The following MGAT4C variants were observed in gnomAD, a reference collection of about 807,000 sequenced individuals.
The protein encoded by MGAT4C is alpha-1,3-mannosyl-glycoprotein 4-beta-N-acetylglucosaminyltransferase C.
A neutral mutation model predicts 40.1 loss-of-function variants in MGAT4C; 19 were observed. The ratio of observed to expected loss-of-function variants is 0.47; its 90% confidence interval spans 0.33 to 0.70. The LOEUF is 0.70. Among genes scored for constraint, MGAT4C ranks in the 30% least tolerant of loss-of-function variants. The pLI is 0.02. For missense variants in MGAT4C, 491 were observed against 563.2 expected (o/e 0.87, Z 1.30); for synonymous variants, 181 against 187.1 (o/e 0.97, Z 0.27).
chr12:86,191,648 C>T (rs1315464492), intron 1 of MGAT4C, among the ~76,000 whole-genome samples: 1 of 117,774 alleles, frequency 8.5e-6, no homozygotes, highest in Non-Finnish European at 1.7e-5. Context: ...CACACACACA[C>T]ACACACACAC....
chr12:86,648,894 T>C (rs955642393), intron 2 of MGAT4C, among the ~76,000 whole-genome samples: 2 of 151,914 alleles, frequency 1.3e-5, no homozygotes, highest in African/African-American at 4.8e-5. Context: ...TCTTGTGTTT[T>C]AAAATTGTTC....
At chr12:86,029,716 CTTTA>C (rs1017333678) in intron 2 of MGAT4C, among the ~76,000 whole-genome samples, 8 of 151,828 alleles carry the variant, frequency 5.3e-5, no homozygotes, top group African/African-American at 1.9e-4. Context: ...AGTGATGACA[CTTTA>C]TTTATACCTA....
At chr12:86,754,039 A>G (rs1224404365) in intron 1 of MGAT4C, among the ~76,000 whole-genome samples, 1 of 152,154 alleles carries the variant, frequency 6.6e-6, no homozygotes, top group Non-Finnish European at 1.5e-5. Context: ...ACTTGTATGT[A>G]AGCATTCGTA....
intron 2 of MGAT4C, among the ~76,000 whole-genome samples, chr12:86,504,264 A>G (rs949350238): frequency 6.6e-6 from 1 of 152,098 alleles, no homozygotes; most frequent in African/African-American, 2.4e-5. Flanking sequence ...GCACTATCCT[A>G]TGACTCAGAA....
rs57004605 is a variant in MGAT4C at position 86,246,179 on chromosome 12, C to CTTTTT, written c.-57+10055_-57+10059dup. The stretch of plus-strand genomic sequence containing the variant: ...ATGAATATCTCCTAGTGTACCATTG[C>CTTTTT]TTTTTTTTTTTTTTTTTTTTTTTTG... On this transcript the variant is annotated intron_variant, in intron 1 of 4. Transcript: ENST00000611864. Among the ~76,000 whole-genome samples the CTTTTT allele has an allele frequency of 1.5e-3, 106 of 70,102 alleles. 1 individual carries two copies. Among genetic ancestry groups the CTTTTT allele is most frequent in the African/African-American group, 1.8e-3 (32 of 17,560 alleles). The allele number at this position is 70,102 out of a possible 152,430, so 46.0% of individuals were successfully genotyped here. A position where few individuals can be genotyped will look rare whatever the true frequency, so the allele number is the denominator to read the frequency against.
At chr12:86,703,819 T>C (rs944441088) in intron 2 of MGAT4C, among the ~76,000 whole-genome samples, 1 of 152,166 alleles carries the variant, frequency 6.6e-6, no homozygotes, top group African/African-American at 2.4e-5. Flanking sequence ...GAGGTTTTGG[T>C]ATATAAGCAA....
chr12:86,491,644 C>T (rs1455391438), intron 2 of MGAT4C, among the ~76,000 whole-genome samples: 3 of 151,670 alleles, frequency 2.0e-5, no homozygotes, highest in Admixed American at 6.6e-5. Flanking sequence ...TGGGATGTAT[C>T]TCAAAATAAT....
chr12:86,757,866 C>A (rs1410130878), intron 1 of MGAT4C, among the ~76,000 whole-genome samples: 2 of 152,048 alleles, frequency 1.3e-5, no homozygotes, highest in Non-Finnish European at 2.9e-5. Context: ...ATAGCCTCAC[C>A]TCAATTTTAA....
intron 1 of MGAT4C, among the ~76,000 whole-genome samples, chr12:86,795,819 G>A (rs978508305): frequency 5.9e-5 from 9 of 151,872 alleles, no homozygotes; most frequent in South Asian, 2.1e-4. Context: ...CTCCAGGATC[G>A]CACAGTTGTT....
intron 2 of MGAT4C, among the ~76,000 whole-genome samples, chr12:86,476,763 T>A (rs1022006590): frequency 6.6e-6 from 1 of 151,974 alleles, no homozygotes; most frequent in Non-Finnish European, 1.5e-5. Flanking sequence ...AGGAAAAAAA[T>A]TATGTCATTT....
In MGAT4C at chr12:85,967,920, T is replaced by C. The variant is rs1038565664; in HGVS notation, c.*11369A>G. On this transcript the variant is annotated 3_prime_UTR_variant, in exon 5 of 5. Transcript: ENST00000611864. Reference sequence around the variant, plus strand: ...GTTTCGTACACTTTTTAGATCTCTATGTAAATACATTATTTCATTTGTGGA... The same window carrying C: ...GTTTCGTACACTTTTTAGATCTCTACGTAAATACATTATTTCATTTGTGGA... 1.3e-5 allele frequency: 2 copies of C among 152,114 alleles called. No individual in the cohort carries two copies. Among genetic ancestry groups the C allele is most frequent in the African/African-American group, 2.4e-5 (1 of 41,452 alleles). The allele number at this position is 152,114 out of a possible 1,614,324, so 9.4% of individuals were successfully genotyped here.
intron 2 of MGAT4C, among the ~76,000 whole-genome samples, chr12:86,012,768 C>CAACAACAACAAA (rs1888603111): frequency 1.7e-5 from 2 of 114,578 alleles, no homozygotes; most frequent in African/African-American, 6.2e-5. Flanking sequence ...ACAACAACAA[C>CAACAACAACAAA]AACAACAACA....
chr12:86,101,159 T>C (rs1188449590), intron 1 of MGAT4C, among the ~76,000 whole-genome samples: 1 of 151,842 alleles, frequency 6.6e-6, no homozygotes, highest in Non-Finnish European at 1.5e-5. Flanking sequence ...AGCATTCATT[T>C]TTACTCTGTA....
At chr12:86,585,559 G>C (rs1341715014) in intron 2 of MGAT4C, among the ~76,000 whole-genome samples, 1 of 151,276 alleles carries the variant, frequency 6.6e-6, no homozygotes, top group East Asian at 1.9e-4. Context: ...TTATGAGATT[G>C]ACATATTAAT....
chr12:86,354,951 G>C (rs1002253690), intron 3 of MGAT4C, among the ~76,000 whole-genome samples: 5 of 152,188 alleles, frequency 3.3e-5, no homozygotes, highest in African/African-American at 7.2e-5. Context: ...GAACCCAAGG[G>C]GGGTGCCACT....
intron 2 of MGAT4C, among the ~76,000 whole-genome samples, chr12:86,581,414 A>C (rs1960773460): frequency 6.6e-6 from 1 of 151,478 alleles, no homozygotes; most frequent in African/African-American, 2.4e-5. Context: ...GTGATTTGTA[A>C]GCATTTGCAT....
intron 1 of MGAT4C, among the ~76,000 whole-genome samples, chr12:86,127,085 T>C (rs1269417619): frequency 4.6e-5 from 7 of 152,152 alleles, no homozygotes; most frequent in Non-Finnish European, 1.0e-4. Context: ...GCTTACTAGC[T>C]GGCGGCTCAC....
At chr12:86,529,474 G>A (rs976826608) in intron 2 of MGAT4C, among the ~76,000 whole-genome samples, 4 of 151,894 alleles carry the variant, frequency 2.6e-5, no homozygotes, top group African/African-American at 9.7e-5. Context: ...ATTCACACTT[G>A]CTTCAGTGGC....
At chr12:86,542,646 T>C (rs1419787384) in intron 2 of MGAT4C, among the ~76,000 whole-genome samples, 5 of 152,186 alleles carry the variant, frequency 3.3e-5, no homozygotes, top group Non-Finnish European at 5.9e-5. Flanking sequence ...CCAGCAACTA[T>C]ATCAGTACCT....
Sources: gnomAD v4.1 joint callset for allele counts (sites outside exome capture counted in the v4.1 genomes callset) on GRCh38, gnomAD v4.1.1 for gene constraint, MANE v1.5 for transcripts, NCBI Gene and HGNC (gene_info 2026-07-23, HGNC 2026-07-21) for gene names.